LZTS1: variants seen among roughly 807,000 people sequenced by gnomAD.
LZTS1 encodes leucine zipper tumor suppressor 1, also known as leucine zipper putative tumor suppressor 1.
Under a neutral mutation model 45.8 loss-of-function variants are expected in LZTS1, and 31 were observed. The ratio of observed to expected loss-of-function variants is 0.68; its 90% CI spans 0.51 to 0.91. LZTS1 has a LOEUF of 0.91. LZTS1 is among the 40% of genes least tolerant of loss of function. LZTS1 has a pLI of 0.00. For missense variants in LZTS1, 821 were observed against 788.9 expected (o/e 1.04, Z -0.49); for synonymous variants, 359 against 357.3 (o/e 1.00, Z -0.05).
intron 1 of LZTS1, among the ~76,000 whole-genome samples, chr8:20,275,266 G>C (rs557346088): frequency 6.6e-6 from 1 of 152,158 alleles, no homozygotes; most frequent in South Asian, 2.1e-4. Flanking sequence ...GCTGGGTGTG[G>C]TGGCGGGCAG....
rs1373792459 is a variant in LZTS1 at position 20,303,760 on chromosome 8, G to A, written c.-155C>T. 8.1e-6 allele frequency: 8 copies of A among 984,550 alleles called. No individual in the cohort carries two copies. The Middle Eastern group carries it at 2.1e-3, about 254-fold the overall frequency. 61.0% of individuals were successfully genotyped at this position (984,550 alleles called of 1,614,324 possible). A position where few individuals can be genotyped will look rare whatever the true frequency, so the allele number is the denominator to read the frequency against. ...CTTACCTGCCCCCTGCGCCTCGGGC[G>A]CACTTGAGACTTTTTTTTTTTCCCA... On this transcript the variant is annotated 5_prime_UTR_variant, in exon 1 of 4. Transcript: ENST00000381569.
At chr8:20,278,945 A>G (rs1287824913) in intron 1 of LZTS1, among the ~76,000 whole-genome samples, 1 of 152,118 alleles carries the variant, frequency 6.6e-6, no homozygotes, top group Middle Eastern at 3.2e-3. Context: ...CTGGGTCCCA[A>G]CCCCAATTGC....
Position 20,246,173 on chromosome 8 carries a change from G to C in LZTS1, c.*3549C>G, listed in dbSNP as rs1034848603. On this transcript the variant is annotated 3_prime_UTR_variant, in exon 4 of 4. Transcript: ENST00000381569. Reference sequence around the variant, plus strand: ...GCAGATACACGTGGCTCTAGAGGGCGTGAGAAATGGCATTCTTTATTCATA... The same window carrying C: ...GCAGATACACGTGGCTCTAGAGGGCCTGAGAAATGGCATTCTTTATTCATA... 6.5e-6 allele frequency: 1 copy of C among 152,682 alleles called. No individual in the cohort carries two copies. Among genetic ancestry groups the C allele is most frequent in the African/African-American group, 2.4e-5 (1 of 41,472 alleles). The allele number at this position is 152,682 out of a possible 1,614,324, so 9.5% of individuals were successfully genotyped here.
At chr8:20,273,431 G>C (rs895276302) in intron 1 of LZTS1, among the ~76,000 whole-genome samples, 1 of 152,068 alleles carries the variant, frequency 6.6e-6, no homozygotes, top group African/African-American at 2.4e-5. Context: ...ATCCAACTGC[G>C]CTTCCCTCGG....
chr8:20,279,689 A>G (rs796495547), intron 1 of LZTS1, among the ~76,000 whole-genome samples: 7 of 145,758 alleles, frequency 4.8e-5, no homozygotes, highest in African/African-American at 1.9e-4. Flanking sequence ...CTCAAAAAAA[A>G]AAAAAAAAAA....
rs73669753 is a variant in LZTS1, at chr8:20,248,896, G to C, written c.*826C>G. ...TGGAAAGCCACACCCTCTGGTTCAC[G>C]GTGGTTTCAACCCTCCCTTCCCAGC... On this transcript the variant is annotated 3_prime_UTR_variant, in exon 4 of 4. Coordinates refer to ENST00000381569, the MANE Select transcript of LZTS1 (RefSeq NM_021020.5). 6.6e-6 allele frequency: 1 copy of C among 152,640 alleles called. No homozygotes were observed. Among genetic ancestry groups the C allele is most frequent in the Non-Finnish European group, 1.5e-5 (1 of 68,122 alleles). 9.5% of individuals were successfully genotyped at this position (152,640 alleles called of 1,614,324 possible).
chr8:20,262,375 G>A (rs886132673), intron 1 of LZTS1, among the ~76,000 whole-genome samples: 1 of 152,210 alleles, frequency 6.6e-6, no homozygotes, highest in East Asian at 1.9e-4. Flanking sequence ...AGTATATTTA[G>A]TGAATGGTAG....
In LZTS1 at chr8:20,254,823, C is replaced by A. The variant is rs762738765; in HGVS notation, c.345+14G>T. On this transcript the variant is annotated intron_variant, in intron 2 of 3. Transcript: ENST00000381569. The stretch of plus-strand genomic sequence containing the variant: ...TTTCCAACCCACTTACCCTTGCCAG[C>A]GACCCCCGCTTACCATTTCTAGCTG... The A allele has an allele frequency of 1.3e-6, 2 of 1,586,402 alleles. No homozygotes were observed. Among genetic ancestry groups the A allele is most frequent in the Non-Finnish European group, 8.6e-7 (1 of 1,164,092 alleles).
chr8:20,298,180 G>T (rs992786543), intron 1 of LZTS1, among the ~76,000 whole-genome samples: 1 of 152,026 alleles, frequency 6.6e-6, no homozygotes, highest in Non-Finnish European at 1.5e-5. Context: ...TCCTGTCTCA[G>T]CCTCCCAAGT....
intron 1 of LZTS1, among the ~76,000 whole-genome samples, chr8:20,269,984 G>A (rs1800439876): frequency 2.6e-5 from 4 of 152,156 alleles, no homozygotes; most frequent in Admixed American, 2.6e-4. Context: ...GGGTGTTGGG[G>A]CCCCTTCAGG....
intron 1 of LZTS1, among the ~76,000 whole-genome samples, chr8:20,274,082 G>A (rs1287489495): frequency 1.3e-5 from 2 of 152,082 alleles, no homozygotes; most frequent in Admixed American, 1.3e-4. Flanking sequence ...AAGCCTTCCC[G>A]TATCTGTGAG....
intron 1 of LZTS1, among the ~76,000 whole-genome samples, chr8:20,299,756 C>T (rs1261449840): frequency 6.6e-6 from 1 of 151,930 alleles, no homozygotes; most frequent in African/African-American, 2.4e-5. Flanking sequence ...GGCCAGATTA[C>T]CTCCCCAAAC....
chr8:20,286,293 T>C (rs1446507434), intron 1 of LZTS1, among the ~76,000 whole-genome samples: 7 of 152,088 alleles, frequency 4.6e-5, no homozygotes, highest in East Asian at 1.9e-4. Flanking sequence ...AAATCTCTAA[T>C]AGAAAAACAG....
At chr8:20,261,724 C>A (rs1215862867) in intron 1 of LZTS1, among the ~76,000 whole-genome samples, 1 of 152,262 alleles carries the variant, frequency 6.6e-6, no homozygotes, top group Non-Finnish European at 1.5e-5. Context: ...AACCAACAGT[C>A]TGGCTTCCCA....
intron 1 of LZTS1, among the ~76,000 whole-genome samples, chr8:20,293,014 T>G (rs569243317): frequency 1.3e-5 from 2 of 152,250 alleles, no homozygotes; most frequent in African/African-American, 2.4e-5. Flanking sequence ...TGACCTTGGA[T>G]TAGGAACTTC....
rs111452812 is a variant in LZTS1, at chr8:20,272,557, T to A, written c.-134-17242A>T. Among the ~76,000 whole-genome samples, 1,121 of 152,302 alleles carry A rather than the reference T, an allele frequency of 7.4e-3. 16 individuals carry two copies. Among genetic ancestry groups the A allele is most frequent in the African/African-American group, 0.023 (972 of 41,558 alleles). On this transcript the variant is annotated intron_variant, in intron 1 of 3. Transcript: ENST00000381569. ...AGACCCCCTAGCTGCCCTGTGCTTC[T>A]CCTGCTCCCTGTTGCATTTCTCAAA...
At chr8:20,282,129 G>A (rs139390504) in intron 1 of LZTS1, among the ~76,000 whole-genome samples, 189 of 152,228 alleles carry the variant, frequency 1.2e-3, no homozygotes, top group African/African-American at 4.4e-3. Flanking sequence ...TAGTCACCAC[G>A]AGGGTCCACA....
chr8:20,263,764 G>A (rs1356168568), intron 1 of LZTS1, among the ~76,000 whole-genome samples: 1 of 152,120 alleles, frequency 6.6e-6, no homozygotes, highest in African/African-American at 2.4e-5. Flanking sequence ...GTGGTCAGAG[G>A]GGCAGGCCCT....
intron 1 of LZTS1, among the ~76,000 whole-genome samples, chr8:20,269,935 T>A (rs115888783): frequency 1.5e-3 from 225 of 152,300 alleles, no homozygotes; most frequent in African/African-American, 5.2e-3. Flanking sequence ...GGGATGGGCA[T>A]GGGAGCCTCT....
Sources: allele counts gnomAD v4.1 joint callset (sites outside exome capture counted in the v4.1 genomes callset), GRCh38; gene constraint gnomAD v4.1.1; transcripts MANE v1.5; gene names NCBI Gene and HGNC (gene_info 2026-07-23, HGNC 2026-07-21).